SAMD4A: variants seen among roughly 807,000 people sequenced by gnomAD.
The protein encoded by SAMD4A is protein Smaug homolog 1.
SAMD4A carries 33 observed loss-of-function variants against 81.3 expected under a neutral mutation model. The ratio of observed to expected loss-of-function variants is 0.41; its 90% CI spans 0.31 to 0.54. SAMD4A has a LOEUF of 0.54. Ranked by LOEUF, SAMD4A falls within the 20% of genes least tolerant of loss-of-function variation. The pLI, the probability that SAMD4A is intolerant of heterozygous loss-of-function variation, is 0.37. For synonymous variants in SAMD4A, 389 were observed against 382.1 expected, an observed-to-expected ratio of 1.02 and a Z score of -0.21; for missense variants, 854 against 951.1, an observed-to-expected ratio of 0.90 and a Z score of 1.34.
intron 2 of SAMD4A, among the ~76,000 whole-genome samples, chr14:54,585,441 T>C (rs1304594578): frequency 6.6e-6 from 1 of 152,188 alleles, no homozygotes; most frequent in Non-Finnish European, 1.5e-5. Flanking sequence ...TTAAAAATTT[T>C]TTAAATTTTT....
chr14:54,765,286 C>A (rs1269436814), intron 8 of SAMD4A, among the ~76,000 whole-genome samples: 1 of 152,048 alleles, frequency 6.6e-6, no homozygotes, highest in Non-Finnish European at 1.5e-5. Context: ...ACCAGATAAA[C>A]CTAGGATGGT....
At chr14:54,704,670 C>A (rs1000468815) in intron 3 of SAMD4A, among the ~76,000 whole-genome samples, 1 of 152,208 alleles carries the variant, frequency 6.6e-6, no homozygotes, top group African/African-American at 2.4e-5. Context: ...GACTAGCTGA[C>A]ATACCTCTGG....
At chr14:54,585,089 C>CA (rs1157571853) in intron 2 of SAMD4A, among the ~76,000 whole-genome samples, 1 of 152,096 alleles carries the variant, frequency 6.6e-6, no homozygotes, top group African/African-American at 2.4e-5. Flanking sequence ...ACATACTGTA[C>CA]AGTGGTATGT....
chr14:54,685,245 C>T (rs147763062), intron 2 of SAMD4A, among the ~76,000 whole-genome samples: 76 of 147,578 alleles, frequency 5.1e-4, no homozygotes, highest in African/African-American at 1.8e-3. Context: ...AACTCTGTTC[C>T]CATTAAACAA....
chr14:54,585,561 C>G (rs1405203307), intron 2 of SAMD4A, among the ~76,000 whole-genome samples: 1 of 152,108 alleles, frequency 6.6e-6, no homozygotes, highest in Non-Finnish European at 1.5e-5. Flanking sequence ...GTGCACACTT[C>G]ACCCAGTGAG....
intron 2 of SAMD4A, among the ~76,000 whole-genome samples, chr14:54,583,823 G>C (rs1352887839): frequency 6.6e-6 from 1 of 152,186 alleles, no homozygotes; most frequent in Non-Finnish European, 1.5e-5. Context: ...CTTTTGAAAA[G>C]GTGTGCAGAC....
chr14:54,776,156 T>A lies in SAMD4A; in HGVS notation c.1918-258T>A, dbSNP rs562181214. Reference sequence around the variant, plus strand: ...GCAACAAATGCGATAAAAAGAGTTCTGCAGATAGGGAAAGAGGTGTCCAGA... The same window carrying A: ...GCAACAAATGCGATAAAAAGAGTTCAGCAGATAGGGAAAGAGGTGTCCAGA... On this transcript the variant is annotated intron_variant, in intron 10 of 12. Transcript: ENST00000554335. Among the ~76,000 whole-genome samples the A allele has an allele frequency of 4.6e-5, 7 of 152,240 alleles. No homozygotes were observed. The East Asian group carries it at 9.6e-4, about 21-fold the overall frequency.
At chr14:54,662,402 TTTTTTTTTTTCA>T (rs1291995423) in intron 2 of SAMD4A, among the ~76,000 whole-genome samples, 6 of 151,858 alleles carry the variant, frequency 4.0e-5, no homozygotes, top group African/African-American at 9.7e-5. Context: ...ACACTTATTT[TTTTTTTTTTTCA>T]TTTTTTTTTT....
chr14:54,669,261 T>G (rs888977266), intron 2 of SAMD4A, among the ~76,000 whole-genome samples: 1 of 152,052 alleles, frequency 6.6e-6, no homozygotes, highest in Non-Finnish European at 1.5e-5. Flanking sequence ...TGGAGCCCGT[T>G]AGAGAAGGGG....
rs374284056 is a variant in SAMD4A, at chr14:54,656,602, G to A, written c.197-45460G>A. On this transcript the variant is annotated intron_variant, in intron 2 of 12. Transcript: ENST00000554335. ...AAGCTGCACAAATAATAGTAAAGCTGATTCTGAAACTAGTTTTTTTGTTTG... is the reference window on the plus strand; with the variant it reads ...AAGCTGCACAAATAATAGTAAAGCTAATTCTGAAACTAGTTTTTTTGTTTG... 2.0e-5 allele frequency among the ~76,000 whole-genome samples: 3 copies of A among 152,144 alleles called. No homozygotes were observed. In the East Asian group the frequency reaches 5.8e-4, roughly 29 times the overall value.
intron 2 of SAMD4A, among the ~76,000 whole-genome samples, chr14:54,580,025 A>G (rs1400327011): frequency 2.6e-5 from 4 of 152,232 alleles, no homozygotes; most frequent in African/African-American, 9.6e-5. Context: ...AGTTGTATTT[A>G]TTTCATTTAC....
intron 6 of SAMD4A, among the ~76,000 whole-genome samples, chr14:54,753,837 G>T (rs901334809): frequency 1.6e-4 from 24 of 152,258 alleles, no homozygotes; most frequent in Non-Finnish European, 3.4e-4. Context: ...AGGTTTATTT[G>T]TTGTTGTTTT....
intron 2 of SAMD4A, among the ~76,000 whole-genome samples, chr14:54,681,131 T>C (rs1049240153): frequency 1.3e-4 from 20 of 152,178 alleles, no homozygotes; most frequent in Non-Finnish European, 2.9e-4. Context: ...GGGGACCAGC[T>C]GTTGGGCTGG....
intron 4 of SAMD4A, among the ~76,000 whole-genome samples, chr14:54,738,397 T>C (rs2037753192): frequency 6.6e-6 from 1 of 152,156 alleles, no homozygotes; most frequent in South Asian, 2.1e-4. Flanking sequence ...AAGAAGCTGC[T>C]CCCCTGGCAC....
At chr14:54,592,435 A>G in intron 2 of SAMD4A, among the ~76,000 whole-genome samples, 1 of 152,068 alleles carries the variant, frequency 6.6e-6, no homozygotes. Flanking sequence ...CCGAAGTGAA[A>G]CATTTGCATT....
chr14:54,625,909 CTT>C (rs142571966), intron 2 of SAMD4A, among the ~76,000 whole-genome samples: 2,339 of 152,048 alleles, frequency 0.015, 68 homozygotes, highest in African/African-American at 0.054. Flanking sequence ...CTGCTTCAAA[CTT>C]TTAGTTGTTT....
At chr14:54,691,506 C>T (rs1292952147) in intron 2 of SAMD4A, among the ~76,000 whole-genome samples, 1 of 147,758 alleles carries the variant, frequency 6.8e-6, no homozygotes, top group African/African-American at 2.5e-5. Flanking sequence ...TCTTCTTACC[C>T]ACTGCCCAAG....
chr14:54,764,039 C>T (rs1406537171), intron 7 of SAMD4A, among the ~76,000 whole-genome samples: 1 of 152,220 alleles, frequency 6.6e-6, no homozygotes, highest in Admixed American at 6.5e-5. Flanking sequence ...TGTCTCTGCA[C>T]CTGGCGAGGG....
intron 2 of SAMD4A, among the ~76,000 whole-genome samples, chr14:54,630,934 G>A (rs1566557225): frequency 6.6e-6 from 1 of 151,358 alleles, no homozygotes; most frequent in Non-Finnish European, 1.5e-5. Context: ...GTGTGTGTGT[G>A]TGTGTGTGTG....
Sources: allele counts gnomAD v4.1 joint callset (sites outside exome capture counted in the v4.1 genomes callset), GRCh38; gene constraint gnomAD v4.1.1; transcripts MANE v1.5; gene names NCBI Gene and HGNC (gene_info 2026-07-23, HGNC 2026-07-21).